EFCAB13: variants seen among roughly 807,000 people sequenced by gnomAD.
The protein encoded by EFCAB13 is EF-hand calcium binding domain 13.
In EFCAB13, 91 loss-of-function variants were observed where a neutral mutation model predicts 110.2. That is an observed-to-expected ratio of 0.83 (90% confidence interval 0.70 to 0.98). The LOEUF (loss-of-function observed/expected upper bound fraction) is 0.98. EFCAB13 is among the 50% of genes least tolerant of loss of function. The pLI, the probability that EFCAB13 is intolerant of heterozygous loss-of-function variation, is 0.00. For missense variants in EFCAB13, 968 were observed against 1,119.4 expected (o/e 0.86, Z 1.93); for synonymous variants, 323 against 369.9 (o/e 0.87, Z 1.45).
At chr17:47,325,847 T>G (rs1487617248) in intron 2 of EFCAB13, among the ~76,000 whole-genome samples, 2 of 135,906 alleles carry the variant, frequency 1.5e-5, no homozygotes, top group African/African-American at 5.1e-5. Context: ...ATATGTTTTA[T>G]TTTTCTATTT....
chr17:47,367,769 C>T (rs1026811885), intron 10 of EFCAB13, among the ~76,000 whole-genome samples: 2 of 152,116 alleles, frequency 1.3e-5, no homozygotes, highest in African/African-American at 4.8e-5. Context: ...AGGATTTAAC[C>T]AGTCCTCTCA....
At chr17:47,392,989 ATAT>A (rs1371464140) in intron 15 of EFCAB13, among the ~76,000 whole-genome samples, 9 of 152,204 alleles carry the variant, frequency 5.9e-5, no homozygotes, top group African/African-American at 2.2e-4. Context: ...AACTCAACAG[ATAT>A]TATAGAAGTT....
chr17:47,339,368 G>A (rs1229591358), intron 5 of EFCAB13, among the ~76,000 whole-genome samples: 1 of 152,128 alleles, frequency 6.6e-6, no homozygotes, highest in Non-Finnish European at 1.5e-5. Context: ...TGGGGAGGAG[G>A]CAGGGGTGGT....
chr17:47,374,731 A>C lies in EFCAB13; in HGVS notation c.1137A>C (p.Gly379=). 6.2e-7 allele frequency: 1 copy of C among 1,614,112 alleles called. No homozygotes were observed. The highest frequency in any genetic ancestry group is 8.5e-7 in the Non-Finnish European group (1 of 1,179,998). Residue 379 remains glycine (G), a synonymous_variant, in exon 12 of 25, where the codon GGA becomes GGC. Transcript: ENST00000331493. ...GTGGGGTTGGCAGCAGTAATGTAGG[A>C]GTCCAAGAACCATATTCAAAGAATG... ...FLGGVGSSNV[G]VQEPYSKNGI... is the part of the protein sequence containing the mutation.
chr17:47,348,794 A>G (rs1178463721), intron 9 of EFCAB13, among the ~76,000 whole-genome samples: 1 of 152,060 alleles, frequency 6.6e-6, no homozygotes, highest in Admixed American at 6.5e-5. Flanking sequence ...GATTCTTTAT[A>G]TATTCTGAAT....
intron 9 of EFCAB13, among the ~76,000 whole-genome samples, chr17:47,356,883 CTGTT>C (rs2065483383): frequency 1.3e-5 from 2 of 152,190 alleles, no homozygotes; most frequent in South Asian, 2.1e-4. Context: ...AGCTCAAACT[CTGTT>C]TGGGTGGGCC....
chr17:47,393,531 A>G (rs576477369), intron 15 of EFCAB13, among the ~76,000 whole-genome samples: 1 of 152,074 alleles, frequency 6.6e-6, no homozygotes, highest in Non-Finnish European at 1.5e-5. Flanking sequence ...TTGTGTATTC[A>G]TATAATGGAA....
Position 47,412,770 on chromosome 17 carries a change from T to C in EFCAB13, c.2279-3T>C, listed in dbSNP as rs1441109487. The C allele has an allele frequency of 6.2e-7, 1 of 1,612,350 alleles. No homozygotes were observed. The highest frequency in any genetic ancestry group is 2.2e-5 in the East Asian group (1 of 44,810). ...AATAGCTTGTGTACATTTATCTTTGTAGAGATTAAAGAAGCTGCTAACATC... is the reference window on the plus strand; with the variant it reads ...AATAGCTTGTGTACATTTATCTTTGCAGAGATTAAAGAAGCTGCTAACATC... On this transcript the variant is annotated splice_polypyrimidine_tract_variant and splice_region_variant and intron_variant, in intron 21 of 24. Transcript: ENST00000331493.
At chr17:47,432,866 T>A (rs747969797) in intron 24 of EFCAB13, among the ~76,000 whole-genome samples, 30 of 151,986 alleles carry the variant, frequency 2.0e-4, no homozygotes, top group Non-Finnish European at 3.5e-4. Context: ...TACAGAAGAG[T>A]TTTAAAGATA....
chr17:47,392,317 ATTAAC>A (rs2065712470), intron 15 of EFCAB13, among the ~76,000 whole-genome samples: 1 of 152,138 alleles, frequency 6.6e-6, no homozygotes, highest in Admixed American at 6.5e-5. Context: ...CAATTCTCTA[ATTAAC>A]TTATTTATTC....
Position 47,347,956 on chromosome 17 carries a change from G to A in EFCAB13, c.661+5G>A, listed in dbSNP as rs778015146. 2 of 1,433,696 alleles carry A rather than the reference G, an allele frequency of 1.4e-6. No individual in the cohort carries two copies. Among genetic ancestry groups the A allele is most frequent in the East Asian group, 4.9e-5 (2 of 40,838 alleles). 88.8% of individuals were successfully genotyped at this position (1,433,696 alleles called of 1,614,324 possible). On this transcript the variant is annotated splice_donor_5th_base_variant and intron_variant, in intron 9 of 24. Coordinates refer to ENST00000331493, the MANE Select transcript of EFCAB13 (RefSeq NM_152347.5). ...TAAAGACTGTTGATATTGATGGTAA[G>A]TTTTATCTTTTCAGTATTAGTTTAA...
chr17:47,341,823 G>A, intron 5 of EFCAB13, 98 bp from the exon 6 acceptor site: 3 of 682,922 alleles, frequency 4.4e-6, no homozygotes, highest in South Asian at 2.1e-5. Flanking sequence ...ATGGGATTCT[G>A]TATACTTTTG....
chr17:47,356,489 C>T (rs1252918048), intron 9 of EFCAB13, among the ~76,000 whole-genome samples: 1 of 152,194 alleles, frequency 6.6e-6, no homozygotes, highest in Non-Finnish European at 1.5e-5. Flanking sequence ...ATTGTTATTT[C>T]TCTTTTGGAT....
At position 47,409,828 on chromosome 17, in the gene EFCAB13, ATCATGTTACC is replaced by A. The variant is rs1749657617; in HGVS notation, c.2278+140_2278+149del. 4.6e-6 allele frequency: 3 copies of A among 651,784 alleles called. No individual in the cohort carries two copies. The Admixed American group carries it at 7.5e-5, about 16-fold the overall frequency. 40.4% of individuals were successfully genotyped at this position (651,784 alleles called of 1,614,324 possible). A position where few individuals can be genotyped will look rare whatever the true frequency, so the allele number is the denominator to read the frequency against. On this transcript the variant is annotated intron_variant, in intron 21 of 24. Transcript: ENST00000331493. ...ACTATTTTTCCACAATAGTAATCTG[ATCATGTTACC>A]TCCCCCTATTTATAACTCTTCAAAC...
At chr17:47,401,192 G>A (rs1196022991) in intron 17 of EFCAB13, among the ~76,000 whole-genome samples, 2 of 152,212 alleles carry the variant, frequency 1.3e-5, no homozygotes, top group Non-Finnish European at 2.9e-5. Context: ...TAGATAGAAG[G>A]TGAGACATTG....
intron 9 of EFCAB13, among the ~76,000 whole-genome samples, chr17:47,354,596 G>A (rs1367814303): frequency 6.6e-6 from 1 of 152,080 alleles, no homozygotes. Context: ...TTTCCTGTTG[G>A]ACTAGTCCTA....
intron 24 of EFCAB13, among the ~76,000 whole-genome samples, chr17:47,437,214 G>A (rs1052518719): frequency 1.3e-5 from 2 of 152,044 alleles, no homozygotes; most frequent in Non-Finnish European, 2.9e-5. Flanking sequence ...TCCATGAGCT[G>A]TGAATAGAAT....
At chr17:47,352,233 C>T (rs998122461) in intron 9 of EFCAB13, among the ~76,000 whole-genome samples, 2 of 151,998 alleles carry the variant, frequency 1.3e-5, no homozygotes, top group Non-Finnish European at 2.9e-5. Flanking sequence ...TCAAGTATTA[C>T]ATTTAAGTTT....
chr17:47,354,616 A>G (rs1158382607), intron 9 of EFCAB13, among the ~76,000 whole-genome samples: 1 of 152,180 alleles, frequency 6.6e-6, no homozygotes, highest in African/African-American at 2.4e-5. Context: ...ATTATTATAT[A>G]ATGTCCCTCT....
Sources: gnomAD v4.1 joint callset for allele counts (sites outside exome capture counted in the v4.1 genomes callset) on GRCh38, gnomAD v4.1.1 for gene constraint, MANE v1.5 for transcripts, NCBI Gene and HGNC (gene_info 2026-07-23, HGNC 2026-07-21) for gene names.